Variants in LARGE1 observed in about 807,000 individuals in gnomAD.
LARGE1 encodes LARGE xylosyl- and glucuronyltransferase 1.
In LARGE1, 43 loss-of-function variants were observed where a neutral mutation model predicts 87.6. The observed-to-expected ratio is 0.49, with a 90% confidence interval of 0.38 to 0.63. The LOEUF (loss-of-function observed/expected upper bound fraction) is 0.63, where lower values mean the gene tolerates loss of function less well. Among genes scored for constraint, LARGE1 ranks in the 30% least tolerant of loss-of-function variants. LARGE1 has a pLI of 0.00. For missense variants in LARGE1, 802 were observed against 1,000.2 expected (o/e 0.80, Z 2.67); for synonymous variants, 434 against 394.6 (o/e 1.10, Z -1.18).
At chr22:33,099,897 T>C in the LARGE1 span, among the ~76,000 whole-genome samples, 1 of 152,168 alleles carries the variant, frequency 6.6e-6, no homozygotes, top group East Asian at 1.9e-4. Context: ...CTCCACTGCA[T>C]TTCCATAACA....
At chr22:33,396,255 A>G (rs2065736190) in intron 7 of LARGE1, among the ~76,000 whole-genome samples, 1 of 152,228 alleles carries the variant, frequency 6.6e-6, no homozygotes, top group South Asian at 2.1e-4. Context: ...TCTGCTTTGA[A>G]GCACTAGAGT....
chr22:33,336,966 C>T (rs756975214), intron 10 of LARGE1, among the ~76,000 whole-genome samples: 21 of 150,594 alleles, frequency 1.4e-4, no homozygotes, highest in Non-Finnish European at 2.8e-4. Flanking sequence ...GAGGCTGAGG[C>T]GGGAGAATCG....
At chr22:33,324,842 T>C (rs1369561010) in intron 10 of LARGE1, among the ~76,000 whole-genome samples, 2 of 152,194 alleles carry the variant, frequency 1.3e-5, no homozygotes, top group Non-Finnish European at 2.9e-5. Flanking sequence ...AAGTCATGTC[T>C]CTGAATTAGT....
intron 6 of LARGE1, among the ~76,000 whole-genome samples, chr22:33,524,681 C>T (rs1235118112): frequency 6.6e-6 from 1 of 151,822 alleles, no homozygotes; most frequent in Non-Finnish European, 1.5e-5. Flanking sequence ...AACAAGTCTC[C>T]CCCAGGGTGT....
chr22:33,870,637 C>T (rs776356161), intron 1 of LARGE1, among the ~76,000 whole-genome samples: 1 of 152,120 alleles, frequency 6.6e-6, no homozygotes, highest in African/African-American at 2.4e-5. Flanking sequence ...AGCGCAATCT[C>T]GGCTCACTGC....
At chr22:33,869,505 G>A (rs1044601313) in intron 1 of LARGE1, among the ~76,000 whole-genome samples, 1 of 152,180 alleles carries the variant, frequency 6.6e-6, no homozygotes, top group Non-Finnish European at 1.5e-5. Context: ...ACCTCCATGG[G>A]AAGGAAAAGA....
chr22:33,341,625 C>G (rs1939154906), intron 9 of LARGE1, among the ~76,000 whole-genome samples: 1 of 152,172 alleles, frequency 6.6e-6, no homozygotes, highest in Admixed American at 6.5e-5. Flanking sequence ...TTGGTCCAAA[C>G]CACATCCCCA....
chr22:33,685,952 A>G (rs1209133541), intron 2 of LARGE1, among the ~76,000 whole-genome samples: 1 of 152,248 alleles, frequency 6.6e-6, no homozygotes, highest in Non-Finnish European at 1.5e-5. Flanking sequence ...AAACATGCAG[A>G]GCAATTAATT....
the LARGE1 span, among the ~76,000 whole-genome samples, chr22:33,109,851 C>CA: frequency 6.6e-6 from 1 of 152,182 alleles, no homozygotes; most frequent in Non-Finnish European, 1.5e-5. Context: ...TGCCATGTGA[C>CA]ACCACCTGCT....
At chr22:33,733,805 T>A (rs1219385730) in intron 2 of LARGE1, 1 of 151,324 alleles carries the variant, frequency 6.6e-6, no homozygotes, top group Non-Finnish European at 1.5e-5. Flanking sequence ...AACGACAAAG[T>A]GCTGGGGGAC....
chr22:33,130,949 G>A, the LARGE1 span, among the ~76,000 whole-genome samples: 3 of 149,956 alleles, frequency 2.0e-5, no homozygotes, highest in Admixed American at 2.0e-4. Context: ...CAGGAGAATG[G>A]CGTGAACCCG....
intron 6 of LARGE1, among the ~76,000 whole-genome samples, chr22:33,442,886 G>A (rs921254796): frequency 6.0e-5 from 9 of 150,956 alleles, no homozygotes; most frequent in Admixed American, 3.3e-4. Context: ...TCCGCCTCCC[G>A]GGTTCACGCC....
chr22:33,869,533 G>C (rs868167417), intron 1 of LARGE1, among the ~76,000 whole-genome samples: 22 of 152,284 alleles, frequency 1.4e-4, no homozygotes, highest in South Asian at 4.1e-4. Context: ...CCTCGGGTCT[G>C]TGCAGTGGTT....
At chr22:33,856,207 T>C (rs1385921804) in intron 1 of LARGE1, among the ~76,000 whole-genome samples, 2 of 152,306 alleles carry the variant, frequency 1.3e-5, no homozygotes, top group African/African-American at 4.8e-5. Context: ...AGTGCTGAAC[T>C]GTGGCCATAC....
At chr22:33,134,895 G>C in the LARGE1 span, among the ~76,000 whole-genome samples, 1 of 152,194 alleles carries the variant, frequency 6.6e-6, no homozygotes. Context: ...TGAAGAGTCA[G>C]ATTCATAGGT....
intron 11 of LARGE1, among the ~76,000 whole-genome samples, chr22:33,262,122 G>T (rs991018331): frequency 2.0e-5 from 3 of 152,328 alleles, no homozygotes; most frequent in Admixed American, 6.5e-5. Flanking sequence ...AGACGGGCAG[G>T]ATTTCTTCCT....
chr22:33,324,810 C>G (rs746942756), intron 10 of LARGE1, among the ~76,000 whole-genome samples: 1 of 152,192 alleles, frequency 6.6e-6, no homozygotes, highest in Non-Finnish European at 1.5e-5. Context: ...CTCTGACACT[C>G]ATTTTCTATG....
At chr22:33,337,209 C>T (rs550215682) in intron 10 of LARGE1, among the ~76,000 whole-genome samples, 218 of 152,250 alleles carry the variant, frequency 1.4e-3, no homozygotes, top group Non-Finnish European at 2.0e-3. Flanking sequence ...ACTGTCTTCA[C>T]CCATGCTCAC....
chr22:33,111,404 C>T, the LARGE1 span, among the ~76,000 whole-genome samples: 1 of 152,096 alleles, frequency 6.6e-6, no homozygotes, highest in Non-Finnish European at 1.5e-5. Context: ...AATAAAACAG[C>T]TTCTATGATT....
Sources: gnomAD v4.1 joint callset for allele counts (sites outside exome capture counted in the v4.1 genomes callset) on GRCh38, gnomAD v4.1.1 for gene constraint, MANE v1.5 for transcripts, NCBI Gene and HGNC (gene_info 2026-07-23, HGNC 2026-07-21) for gene names.